The following SGPP1 variants were observed in gnomAD, a reference collection of about 807,000 sequenced individuals.
The protein encoded by SGPP1 is sphingosine-1-phosphate phosphatase 1, also known as hSPP1.
SGPP1 carries 21 observed loss-of-function variants against 33.0 expected under a neutral mutation model. That is an observed-to-expected ratio of 0.64 (90% CI 0.45 to 0.92). The LOEUF is 0.92. Ranked by LOEUF, SGPP1 falls within the 40% of genes least tolerant of loss-of-function variation. SGPP1 has a pLI of 0.00. For missense variants in SGPP1, 543 were observed against 589.4 expected, an observed-to-expected ratio of 0.92 and a Z score of 0.81; for synonymous variants, 239 against 241.2, an observed-to-expected ratio of 0.99 and a Z score of 0.08.
chr14:63,693,212 C>T (rs533790342), intron 2 of SGPP1, among the ~76,000 whole-genome samples: 14 of 152,358 alleles, frequency 9.2e-5, no homozygotes, highest in South Asian at 4.1e-4. Context: ...GGATTACAGG[C>T]GTAAGCCACT....
chr14:63,693,475 T>C (rs2139630196), intron 2 of SGPP1, among the ~76,000 whole-genome samples: 1 of 152,372 alleles, frequency 6.6e-6, no homozygotes, highest in South Asian at 2.1e-4. Flanking sequence ...AACTTTGTAC[T>C]TTTCACATAG....
chr14:63,716,880 A>T (rs1462995115), intron 1 of SGPP1, among the ~76,000 whole-genome samples: 1 of 151,966 alleles, frequency 6.6e-6, no homozygotes, highest in Admixed American at 6.6e-5. Flanking sequence ...TTTAGTAGAG[A>T]GGAGGTTTCT....
intron 1 of SGPP1, among the ~76,000 whole-genome samples, chr14:63,702,588 T>C (rs1243260549): frequency 3.3e-5 from 5 of 151,972 alleles, no homozygotes; most frequent in Admixed American, 6.6e-5. Context: ...CACGCACCTG[T>C]AGTCCAAGCT....
chr14:63,726,240 GAAGTA>G (rs1443447994), intron 1 of SGPP1, among the ~76,000 whole-genome samples: 1 of 152,098 alleles, frequency 6.6e-6, no homozygotes, highest in Non-Finnish European at 1.5e-5. Context: ...ATGATTTTGT[GAAGTA>G]AAGGGGGAAA....
At chr14:63,702,199 A>G (rs1408367532) in intron 1 of SGPP1, among the ~76,000 whole-genome samples, 1 of 152,188 alleles carries the variant, frequency 6.6e-6, no homozygotes, top group Non-Finnish European at 1.5e-5. Context: ...TACGATGTCC[A>G]AGGTGTTTAA....
At chr14:63,725,248 G>C (rs141579357) in intron 1 of SGPP1, among the ~76,000 whole-genome samples, 1 of 152,054 alleles carries the variant, frequency 6.6e-6, no homozygotes. Flanking sequence ...GGTGGTAGGC[G>C]CCTGTAATCC....
At chr14:63,702,790 T>C (rs981802470) in intron 1 of SGPP1, among the ~76,000 whole-genome samples, 1 of 152,136 alleles carries the variant, frequency 6.6e-6, no homozygotes, top group African/African-American at 2.4e-5. Context: ...TTACTCCCCA[T>C]TGAATAACAG....
chr14:63,724,607 A>AAGG (rs1310080439), intron 1 of SGPP1, among the ~76,000 whole-genome samples: 1 of 148,802 alleles, frequency 6.7e-6, no homozygotes, highest in East Asian at 1.9e-4. Flanking sequence ...AATAGATAAC[A>AAGG]AGGATCTTTA....
intron 1 of SGPP1, among the ~76,000 whole-genome samples, chr14:63,705,904 A>T (rs1270856014): frequency 6.6e-6 from 1 of 152,250 alleles, no homozygotes; most frequent in African/African-American, 2.4e-5. Context: ...CAGAATTACC[A>T]TACGACCCAC....
chr14:63,713,148 C>A (rs954564361), intron 1 of SGPP1, among the ~76,000 whole-genome samples: 1 of 152,092 alleles, frequency 6.6e-6, no homozygotes, highest in African/African-American at 2.4e-5. Context: ...TCCTGGACAG[C>A]TCCAGATGAC....
intron 1 of SGPP1, among the ~76,000 whole-genome samples, chr14:63,718,994 ATATATATATATATATATATATTTTTT>A (rs1566536582): frequency 7.2e-4 from 13 of 18,094 alleles, no homozygotes; most frequent in African/African-American, 2.8e-3. Context: ...ATATATATAT[ATATATATATATATATATATATTTTTT>A]TTTTTTTTTT....
chr14:63,686,284 T>C lies in SGPP1; in HGVS notation c.1147A>G (p.Met383Val). 6.2e-7 allele frequency: 1 copy of C among 1,614,156 alleles called. No individual in the cohort carries two copies. The highest frequency in any genetic ancestry group is 8.5e-7 in the Non-Finnish European group (1 of 1,180,008). ...MVFVLIIRDV[M>V]KKITIPLACK... ...GCTAAAGGAATGGTGATCTTTTTCA[T>C]TACATCTCTGATTATTAGTACAAAT... The change falls in exon 3 of 3, where the codon ATG becomes GTG. Residue 383 changes from methionine to valine, a missense_variant. Coordinates refer to ENST00000247225, the MANE Select transcript of SGPP1 (RefSeq NM_030791.4).
chr14:63,727,292 G>C lies in SGPP1; in HGVS notation c.653C>G (p.Ser218Cys), dbSNP rs769241511. 7 of 1,613,644 alleles carry C rather than the reference G, an allele frequency of 4.3e-6. No individual in the cohort carries two copies. The highest frequency in any genetic ancestry group is 5.9e-6 in the Non-Finnish European group (7 of 1,179,776). The change falls in exon 1 of 3, where the codon TCT (serine) becomes TGT (cysteine). Residue 218 changes from serine (S) to cysteine (C), a missense_variant. Ser to Cys is a moderately radical substitution (Grantham distance 112). Coordinates refer to ENST00000247225, the MANE Select transcript of SGPP1 (RefSeq NM_030791.4). ...GCGGCCATAGGTGAGGAGGACCATA[G>C]AAATGGGGATGGCGGTGCCGGACAT... ...HAMSGTAIPISMVLLTYGRWQ... is the reference protein window; with the variant it reads ...HAMSGTAIPICMVLLTYGRWQ...
chr14:63,695,334 G>A (rs1044141875), intron 2 of SGPP1, among the ~76,000 whole-genome samples: 6 of 152,186 alleles, frequency 3.9e-5, no homozygotes, highest in African/African-American at 1.4e-4. Context: ...GGGATTACAG[G>A]CGTGAGCCAC....
intron 2 of SGPP1, among the ~76,000 whole-genome samples, chr14:63,692,418 A>C (rs1054818133): frequency 6.6e-6 from 1 of 152,180 alleles, no homozygotes; most frequent in Admixed American, 6.5e-5. Context: ...TCAGAAATTA[A>C]ATATTGGGAG....
In SGPP1 at chr14:63,727,648, CG is replaced by C; in HGVS notation, c.296del (p.Pro99ArgfsTer15). 1 of 1,362,328 alleles carries C rather than the reference CG, an allele frequency of 7.3e-7. No individual in the cohort carries two copies. The highest frequency in any genetic ancestry group is 9.4e-7 in the Non-Finnish European group (1 of 1,065,970). The allele number at this position is 1,362,328 out of a possible 1,614,324, so 84.4% of individuals were successfully genotyped here. ...VRNGLAAELG[P>X]ASPRRAGALR... is the part of the protein sequence containing the mutation. ...GAGCGCCCGCGCGCCGCGGCGAGGC[CG>C]GGCCCAGCTCGGCCGCCAGCCCGTT... On this transcript the variant is annotated frameshift_variant, in exon 1 of 3. Coordinates refer to ENST00000247225, the MANE Select transcript of SGPP1 (RefSeq NM_030791.4). LOFTEE classifies it high-confidence loss of function.
At chr14:63,706,359 G>A (rs1380155470) in intron 1 of SGPP1, among the ~76,000 whole-genome samples, 10 of 152,094 alleles carry the variant, frequency 6.6e-5, no homozygotes, top group South Asian at 6.2e-4. Context: ...TAGAAACAAC[G>A]GTTGTACGAC....
In SGPP1 at chr14:63,684,938, TC is replaced by T. The variant is rs1884939528; in HGVS notation, c.*1166del. On this transcript the variant is annotated 3_prime_UTR_variant, in exon 3 of 3. Transcript: ENST00000247225. Reference sequence around the variant, plus strand: ...GGTATTAAAAGTTAACGGTGCTAAATCCAATCCTTTCCAAATTATTTAGAAA... The same window carrying T: ...GGTATTAAAAGTTAACGGTGCTAAATCAATCCTTTCCAAATTATTTAGAAA... The T allele has an allele frequency of 6.6e-6, 1 of 152,342 alleles. No homozygotes were observed. The highest frequency in any genetic ancestry group is 2.4e-5 in the African/African-American group (1 of 41,472). The allele number at this position is 152,342 out of a possible 1,614,324, so 9.4% of individuals were successfully genotyped here. A position where few individuals can be genotyped will look rare whatever the true frequency, so the allele number is the denominator to read the frequency against.
chr14:63,707,059 A>C (rs1263374304), intron 1 of SGPP1, among the ~76,000 whole-genome samples: 2 of 151,338 alleles, frequency 1.3e-5, no homozygotes, highest in East Asian at 3.9e-4. Flanking sequence ...AAAAAAAAAA[A>C]AACTGACCCA....
Sources: gnomAD v4.1 joint callset for allele counts (sites outside exome capture counted in the v4.1 genomes callset) on GRCh38, gnomAD v4.1.1 for gene constraint, MANE v1.5 for transcripts, NCBI Gene and HGNC (gene_info 2026-07-23, HGNC 2026-07-21) for gene names.